HIGD1C: variants seen among roughly 807,000 people sequenced by gnomAD.
HIGD1C encodes HIG1 hypoxia inducible domain family member 1C.
Under a neutral mutation model 13.1 loss-of-function variants are expected in HIGD1C, and 11 were observed. The observed-to-expected ratio is 0.84, with a 90% CI of 0.53 to 1.39. The LOEUF is 1.39. Among genes scored for constraint, HIGD1C ranks in the 40% most tolerant of loss-of-function variants. The probability of loss-of-function intolerance (pLI) is 0.00; values close to 1 mark genes in which losing one functional copy is unlikely to be tolerated. For synonymous variants in HIGD1C, 36 were observed against 37.7 expected, an observed-to-expected ratio of 0.95 and a Z score of 0.17; for missense variants, 110 against 112.0, an observed-to-expected ratio of 0.98 and a Z score of 0.08.
At chr12:50,943,747 G>A in the HIGD1C span, among the ~76,000 whole-genome samples, 1 of 151,990 alleles carries the variant, frequency 6.6e-6, no homozygotes, top group South Asian at 2.1e-4. Flanking sequence ...AGTGCTCTAG[G>A]TATACTCCCA....
chr12:50,961,298 T>A (rs942186026), intron 2 of HIGD1C, among the ~76,000 whole-genome samples, 196 bp downstream of exon 4: 1 of 152,154 alleles, frequency 6.6e-6, no homozygotes, highest in Non-Finnish European at 1.5e-5. Context: ...TGACAAAAAC[T>A]GACAAAACCT....
chr12:50,950,513 T>G (rs189005695), upstream of HIGD1C, among the ~76,000 whole-genome samples: 635 of 152,136 alleles, frequency 4.2e-3, 6 homozygotes, highest in African/African-American at 0.014. Context: ...TAAATGGTTG[T>G]TTGTTTTTGA....
chr12:50,931,609 G>C, the HIGD1C span: 1 of 150,950 alleles, frequency 6.6e-6, no homozygotes, highest in African/African-American at 2.4e-5. Context: ...TACTTGGAAG[G>C]CTGAGGCAGG....
intron 2 of HIGD1C, among the ~76,000 whole-genome samples, chr12:50,961,988 T>C (rs777149148): frequency 3.3e-5 from 5 of 152,146 alleles, no homozygotes; most frequent in Non-Finnish European, 5.9e-5. Context: ...CAGACACTGT[T>C]TAGAAATATG....
At chr12:50,963,868 C>T (rs187628829) in intron 2 of HIGD1C, among the ~76,000 whole-genome samples, 9 of 152,300 alleles carry the variant, frequency 5.9e-5, no homozygotes, top group Admixed American at 1.3e-4. Flanking sequence ...CTGTCCAGCC[C>T]TTGTCAACTT....
chr12:50,956,348 C>A (rs555199133), intron 1 of HIGD1C, among the ~76,000 whole-genome samples: 2 of 152,030 alleles, frequency 1.3e-5, no homozygotes, highest in Non-Finnish European at 2.9e-5. Context: ...GCCAAGATTG[C>A]GCCACTGCAC....
chr12:50,942,686 G>A, the HIGD1C span, among the ~76,000 whole-genome samples: 1 of 152,026 alleles, frequency 6.6e-6, no homozygotes, highest in Non-Finnish European at 1.5e-5. Flanking sequence ...TGGGCAACAT[G>A]GCGAGACCTC....
In HIGD1C at chr12:50,965,670, A is replaced by G. The variant is rs150146990; in HGVS notation, c.229+4568A>G. 1.4e-3 allele frequency among the ~76,000 whole-genome samples: 214 copies of G among 152,220 alleles called. 1 individual carries two copies. Among genetic ancestry groups the G allele is most frequent in the African/African-American group, 4.5e-3 (189 of 41,544 alleles). ...ACCCCTACTTTGACTGGTAGGCCAC[A>G]CTCATTCTACCAAAGTATGGATTAG... On this transcript the variant is annotated intron_variant, in intron 2 of 2. Coordinates refer to ENST00000398455, the Ensembl canonical transcript of HIGD1C.
At chr12:50,941,599 A>G in the HIGD1C span, among the ~76,000 whole-genome samples, 1 of 152,166 alleles carries the variant, frequency 6.6e-6, no homozygotes, top group African/African-American at 2.4e-5. Flanking sequence ...CTCTCTAGAA[A>G]AATGCTCCTA....
intron 2 of HIGD1C, among the ~76,000 whole-genome samples, chr12:50,967,113 CAAA>C (rs58572587): frequency 3.0e-5 from 4 of 131,922 alleles, no homozygotes; most frequent in African/African-American, 8.0e-5. Flanking sequence ...GACTCAGTCT[CAAA>C]AAAAAAAAAA....
At chr12:50,941,284 A>G in the HIGD1C span, among the ~76,000 whole-genome samples, 4 of 152,184 alleles carry the variant, frequency 2.6e-5, no homozygotes, top group African/African-American at 9.7e-5. Flanking sequence ...CACTGCACTC[A>G]GCCTGCCCCA....
intron 2 of HIGD1C, among the ~76,000 whole-genome samples, chr12:50,961,308 T>C (rs754307404): frequency 7.2e-5 from 11 of 152,130 alleles, no homozygotes; most frequent in Non-Finnish European, 1.0e-4. Flanking sequence ...TGACAAAACC[T>C]ATGGTAGAAA....
At chr12:50,956,624 A>G (rs1939106574) in intron 1 of HIGD1C, among the ~76,000 whole-genome samples, 1 of 152,144 alleles carries the variant, frequency 6.6e-6, no homozygotes, top group Non-Finnish European at 1.5e-5. Flanking sequence ...TATTTAAAGT[A>G]TGTGTTGACA....
chr12:50,970,675 C>T (rs1211773542), downstream of HIGD1C, among the ~76,000 whole-genome samples: 2 of 152,166 alleles, frequency 1.3e-5, no homozygotes, highest in South Asian at 2.1e-4. Context: ...GATCAACAAT[C>T]ATAAACAGTC....
At chr12:50,956,073 G>A (rs554610291) in intron 1 of HIGD1C, among the ~76,000 whole-genome samples, 59 of 152,288 alleles carry the variant, frequency 3.9e-4, no homozygotes, top group Middle Eastern at 3.4e-3. Flanking sequence ...ATAGAGATAA[G>A]TTTTTGCTAA....
At chr12:50,971,596 T>C (rs1462641226), downstream of HIGD1C, among the ~76,000 whole-genome samples, 1 of 152,200 alleles carries the variant, frequency 6.6e-6, no homozygotes, top group East Asian at 1.9e-4. Flanking sequence ...GGCCTTGGAC[T>C]CCGCTCTAAC....
intron 1 of HIGD1C, among the ~76,000 whole-genome samples, chr12:50,956,913 T>G (rs904898900): frequency 2.0e-5 from 3 of 152,188 alleles, no homozygotes; most frequent in Admixed American, 6.5e-5. Flanking sequence ...GAGTTCTTTC[T>G]AGAAGGACTT....
At chr12:50,948,825 T>TTGCACCAC in the HIGD1C span, among the ~76,000 whole-genome samples, 1 of 106,932 alleles carries the variant, frequency 9.4e-6, no homozygotes, top group Non-Finnish European at 1.8e-5. Context: ...TGAGCTGAGA[T>TTGCACCAC]TGCACCACTG....
chr12:50,967,294 C>A (rs908718791), intron 2 of HIGD1C, among the ~76,000 whole-genome samples: 3 of 151,638 alleles, frequency 2.0e-5, no homozygotes, highest in African/African-American at 7.3e-5. Context: ...TACAGGTATG[C>A]ATCATCATGT....
Sources: gnomAD v4.1 joint callset for allele counts (sites outside exome capture counted in the v4.1 genomes callset) on GRCh38, gnomAD v4.1.1 for gene constraint, MANE v1.5 for transcripts, NCBI Gene and HGNC (gene_info 2026-07-23, HGNC 2026-07-21) for gene names.